KIAA2012: variants seen among roughly 807,000 people sequenced by gnomAD.
KIAA2012 encodes uncharacterized protein KIAA2012.
Under a neutral mutation model 150.6 loss-of-function variants are expected in KIAA2012, and 125 were observed. The ratio of observed to expected loss-of-function variants is 0.83; its 90% CI spans 0.72 to 0.96. The LOEUF is 0.96. KIAA2012 is among the 40% of genes least tolerant of loss of function. KIAA2012 has a pLI of 0.00. For synonymous variants in KIAA2012, 462 were observed against 504.7 expected, an observed-to-expected ratio of 0.92 and a Z score of 1.13; for missense variants, 1,219 against 1,354.9, an observed-to-expected ratio of 0.90 and a Z score of 1.57.
chr2:202,139,020 T>A (rs556229000), intron 13 of KIAA2012, among the ~76,000 whole-genome samples: 21 of 152,184 alleles, frequency 1.4e-4, no homozygotes, highest in Admixed American at 4.6e-4. Flanking sequence ...GCAGATCACC[T>A]GAGGTCAGGA....
At position 202,190,248 on chromosome 2, in the gene KIAA2012, G is replaced by A. The variant is rs1692300773; in HGVS notation, c.2566G>A (p.Glu856Lys). Residue 856 changes from glutamate to lysine, a missense_variant, in exon 19 of 24, where the codon GAA becomes AAA. Coordinates refer to ENST00000498697, the MANE Select transcript of KIAA2012 (RefSeq NM_001277372.4). The part of the protein sequence containing the change: ...TRPQRKRTQK[E>K]RNLEIAAELS... ...ACCCCAAAGGAAAAGGACACAGAAG[G>A]AAAGAAATCTGGAGATAGCGGCAGA... is the stretch of plus-strand genomic sequence containing the variant. 2 of 1,548,494 alleles carry A rather than the reference G, an allele frequency of 1.3e-6. No individual in the cohort carries two copies. Among genetic ancestry groups the A allele is most frequent in the Non-Finnish European group, 1.7e-6 (2 of 1,146,562 alleles).
chr2:202,196,167 G>GTTTCTTTTCTTTTCT (rs1186993610), intron 21 of KIAA2012, among the ~76,000 whole-genome samples: 1 of 100,466 alleles, frequency 1.0e-5, no homozygotes, highest in African/African-American at 3.8e-5. Flanking sequence ...GAAGCACCAA[G>GTTTCTTTTCTTTTCT]TTTCTTTTCT....
At chr2:202,106,886 G>A (rs902856778) in intron 9 of KIAA2012, among the ~76,000 whole-genome samples, 10 of 152,030 alleles carry the variant, frequency 6.6e-5, no homozygotes, top group African/African-American at 2.4e-4. Flanking sequence ...CTTTCCAAAG[G>A]GCACGTGCAA....
Position 202,113,593 on chromosome 2 carries a change from G to A in KIAA2012, c.1762+147G>A, listed in dbSNP as rs568646131. The stretch of plus-strand genomic sequence containing the variant: ...TTTCTCCCCTTTCACCGACACAGAG[G>A]TGCTTCTGTAGCTCAGAGACAATGA... On this transcript the variant is annotated intron_variant, in intron 11 of 23. Transcript: ENST00000498697. 2.1e-3 allele frequency: 1,250 copies of A among 604,984 alleles called. 4 individuals carry two copies. The highest frequency in any genetic ancestry group is 3.3e-3 in the Non-Finnish European group (1,116 of 341,092). 37.5% of individuals were successfully genotyped at this position (604,984 alleles called of 1,614,324 possible). A position where few individuals can be genotyped will look rare whatever the true frequency, so the allele number is the denominator to read the frequency against.
chr2:202,184,461 A>G (rs569919981), intron 15 of KIAA2012, among the ~76,000 whole-genome samples: 86 of 152,046 alleles, frequency 5.7e-4, no homozygotes, highest in African/African-American at 2.0e-3. Context: ...TTCTTTCCTT[A>G]TGATAAATAC....
At position 202,190,428 on chromosome 2, in the gene KIAA2012, C is replaced by T; in HGVS notation, c.2746C>T (p.Gln916Ter). 1 of 1,549,220 alleles carries T rather than the reference C, an allele frequency of 6.5e-7. No homozygotes were observed. Among genetic ancestry groups the T allele is most frequent in the Non-Finnish European group, 8.7e-7 (1 of 1,146,176 alleles). ...TCTAGATGGAAGATCATCACCCTCT[C>T]AGATTGCAACTGTCACTGGCAACAT... ...VSLDGRSSPSQIATVTGNMES... is the reference protein window; with the variant it reads ...VSLDGRSSPS Residue 916 changes from glutamine to a stop codon, truncating the protein, a stop_gained, in exon 19 of 24, where the codon CAG becomes TAG. Coordinates refer to ENST00000498697, the MANE Select transcript of KIAA2012 (RefSeq NM_001277372.4). LOFTEE classifies it high-confidence loss of function.
intron 19 of KIAA2012, 40 bp from the exon 20 acceptor site, chr2:202,193,261 C>T: frequency 6.5e-7 from 1 of 1,527,898 alleles, no homozygotes; most frequent in Non-Finnish European, 8.9e-7. Context: ...CTGAGACAGA[C>T]CCATCTGTTT....
chr2:202,199,307 CTG>C lies in KIAA2012; in HGVS notation c.3407+2290_3407+2291del, dbSNP rs1297452278. On this transcript the variant is annotated intron_variant, in intron 22 of 23. Coordinates refer to ENST00000498697, the MANE Select transcript of KIAA2012 (RefSeq NM_001277372.4). ...CCTTTTTTTGAGACAGAGTCTCACTCTGTTGCCCAGGCTGGAGTACAGTGGCA... is the reference window on the plus strand; with the variant it reads ...CCTTTTTTTGAGACAGAGTCTCACTCTTGCCCAGGCTGGAGTACAGTGGCA... Among the ~76,000 whole-genome samples the C allele has an allele frequency of 5.9e-5, 9 of 152,274 alleles. No individual in the cohort carries two copies. In the East Asian group the frequency reaches 1.7e-3, roughly 29 times the overall value.
In KIAA2012 at chr2:202,104,981, C is replaced by T. The variant is rs965815567; in HGVS notation, c.1325-780C>T. Reference sequence around the variant, plus strand: ...TTAAAGCCAGATGCACTGAGCTTACCAACACACTGACAATGAAACACAGGA... The same window carrying T: ...TTAAAGCCAGATGCACTGAGCTTACTAACACACTGACAATGAAACACAGGA... On this transcript the variant is annotated intron_variant, in intron 8 of 23. Coordinates refer to ENST00000498697, the MANE Select transcript of KIAA2012 (RefSeq NM_001277372.4). This position sits in a 1 kb window ranked among gnomAD's most constrained non-coding sequence, Gnocchi z 4.3. Among the ~76,000 whole-genome samples the T allele has an allele frequency of 6.6e-6, 1 of 152,184 alleles. No individual in the cohort carries two copies. The highest frequency in any genetic ancestry group is 2.4e-5 in the African/African-American group (1 of 41,436).
intron 15 of KIAA2012, among the ~76,000 whole-genome samples, chr2:202,174,211 C>T (rs1691949736): frequency 6.6e-6 from 1 of 152,176 alleles, no homozygotes; most frequent in African/African-American, 2.4e-5. Context: ...GTGATCCACC[C>T]TCCTGGGCCT....
intron 2 of KIAA2012, among the ~76,000 whole-genome samples, chr2:202,081,068 C>A (rs1305914718): frequency 1.3e-5 from 2 of 152,288 alleles, no homozygotes; most frequent in East Asian, 3.9e-4. Flanking sequence ...ATTCTGAGAA[C>A]TTCATATAAG....
chr2:202,135,780 G>A lies in KIAA2012; in HGVS notation c.1832-2652G>A, dbSNP rs573088911. 164 of 156,916 alleles carry A rather than the reference G, an allele frequency of 1.0e-3. 2 individuals carry two copies. The highest frequency in any genetic ancestry group is 3.7e-4 in the South Asian group (2 of 5,374). 9.7% of individuals were successfully genotyped at this position (156,916 alleles called of 1,614,324 possible). A position where few individuals can be genotyped will look rare whatever the true frequency, so the allele number is the denominator to read the frequency against. ...AACACAATTCTGCTGGGCTGGATTT[G>A]TCCCAAGTGTGGATCATGGCCAAAG... On this transcript the variant is annotated intron_variant, in intron 12 of 23. Coordinates refer to ENST00000498697, the MANE Select transcript of KIAA2012 (RefSeq NM_001277372.4).
intron 13 of KIAA2012, among the ~76,000 whole-genome samples, chr2:202,142,360 C>T (rs560515771): frequency 6.6e-6 from 1 of 151,930 alleles, no homozygotes. Flanking sequence ...TTCTGACTTC[C>T]GGGAATTTAT....
intron 9 of KIAA2012, among the ~76,000 whole-genome samples, chr2:202,106,800 T>C (rs1690207625): frequency 6.6e-6 from 1 of 152,150 alleles, no homozygotes; most frequent in African/African-American, 2.4e-5. Flanking sequence ...TCTAAGTGTT[T>C]GTGTTTATGT....
intron 9 of KIAA2012, among the ~76,000 whole-genome samples, chr2:202,106,885 G>A (rs1690209416): frequency 6.6e-6 from 1 of 152,092 alleles, no homozygotes. Context: ...CCTTTCCAAA[G>A]GGCACGTGCA....
rs143218233 is a variant in KIAA2012 at position 202,105,547 on chromosome 2, A to G, written c.1325-214A>G. On this transcript the variant is annotated intron_variant, in intron 8 of 23. Transcript: ENST00000498697. ...CACCCCGATTGACCAGACTTGGGCCATGTGCCCACCCCGGAACCAATCTCT... is the reference window on the plus strand; with the variant it reads ...CACCCCGATTGACCAGACTTGGGCCGTGTGCCCACCCCGGAACCAATCTCT... Among the ~76,000 whole-genome samples, 12 of 152,294 alleles carry G rather than the reference A, an allele frequency of 7.9e-5. No individual in the cohort carries two copies. The East Asian group carries it at 2.3e-3, about 29-fold the overall frequency.
intron 8 of KIAA2012, 71 bp from the exon 9 acceptor site, chr2:202,105,690 C>T: frequency 6.6e-7 from 1 of 1,508,436 alleles, no homozygotes; most frequent in Non-Finnish European, 8.9e-7. Flanking sequence ...AGGGATAGGT[C>T]CCCAAAAGAA....
At chr2:202,128,810 T>C (rs930276636) in intron 12 of KIAA2012, among the ~76,000 whole-genome samples, 1 of 151,698 alleles carries the variant, frequency 6.6e-6, no homozygotes, top group Non-Finnish European at 1.5e-5. Flanking sequence ...ATAGGGTGCC[T>C]CTTTCACAAC....
rs374246755 is a variant in KIAA2012 at position 202,111,496 on chromosome 2, C to G, written c.1651+1707C>G. On this transcript the variant is annotated intron_variant, in intron 10 of 23. Coordinates refer to ENST00000498697, the MANE Select transcript of KIAA2012 (RefSeq NM_001277372.4). ...TTGCACTCCAGCCTGAGCAACAGAG[C>G]AAGACTCTGTCTCAAAAAAAAAAAA... 8.3e-5 allele frequency among the ~76,000 whole-genome samples: 9 copies of G among 108,574 alleles called. No individual in the cohort carries two copies. The East Asian group carries it at 1.8e-3, about 21-fold the overall frequency. 71.2% of individuals were successfully genotyped at this position (108,574 alleles called of 152,430 possible).
Sources: gnomAD v4.1 joint callset for allele counts (sites outside exome capture counted in the v4.1 genomes callset) on GRCh38, gnomAD v4.1.1 for gene constraint, Gnocchi (gnomAD v3.1) non-coding constraint, MANE v1.5 for transcripts, NCBI Gene and HGNC (gene_info 2026-07-23, HGNC 2026-07-21) for gene names.